EPHA3: variants seen among roughly 807,000 people sequenced by gnomAD.
The protein encoded by EPHA3 is EPH receptor A3.
Under a neutral mutation model 107.1 loss-of-function variants are expected in EPHA3, and 42 were observed. The ratio of observed to expected loss-of-function variants is 0.39; its 90% CI spans 0.31 to 0.51. The LOEUF (loss-of-function observed/expected upper bound fraction) is 0.51, where lower values mean the gene tolerates loss of function less well. EPHA3 is among the 20% of genes least tolerant of loss of function. The pLI is 0.78. For missense variants in EPHA3, 1,183 were observed against 1,211.2 expected, an observed-to-expected ratio of 0.98 and a Z score of 0.35; for synonymous variants, 461 against 424.8, an observed-to-expected ratio of 1.09 and a Z score of -1.05.
At chr3:89,132,016 T>G (rs1413519783) in intron 2 of EPHA3, among the ~76,000 whole-genome samples, 3 of 152,220 alleles carry the variant, frequency 2.0e-5, no homozygotes, top group Non-Finnish European at 4.4e-5. Context: ...ATGATAGTTA[T>G]TGTTGCAGGG....
chr3:89,437,435 A>C (rs1431994638), intron 13 of EPHA3, among the ~76,000 whole-genome samples: 2 of 152,006 alleles, frequency 1.3e-5, no homozygotes, highest in Non-Finnish European at 2.9e-5. Flanking sequence ...GAAAAAAAAA[A>C]CAGAAAAATT....
At chr3:89,164,547 T>C (rs1227500602) in intron 2 of EPHA3, among the ~76,000 whole-genome samples, 1 of 152,212 alleles carries the variant, frequency 6.6e-6, no homozygotes, top group East Asian at 1.9e-4. Context: ...TGGATCTGCT[T>C]CCACCCAGAC....
At chr3:89,454,467 C>T (rs1710058592) in intron 15 of EPHA3, among the ~76,000 whole-genome samples, 1 of 152,110 alleles carries the variant, frequency 6.6e-6, no homozygotes, top group African/African-American at 2.4e-5. Context: ...TATCTCTATC[C>T]CTTTTCACTG....
chr3:89,282,780 T>A (rs1705981120), intron 3 of EPHA3, among the ~76,000 whole-genome samples: 1 of 152,098 alleles, frequency 6.6e-6, no homozygotes, highest in African/African-American at 2.4e-5. Context: ...CTTTTCTTTA[T>A]GAGAAATAAA....
chr3:89,425,754 A>G (rs574474452), intron 11 of EPHA3, among the ~76,000 whole-genome samples: 1 of 151,434 alleles, frequency 6.6e-6, no homozygotes, highest in Non-Finnish European at 1.5e-5. Context: ...TATATTTCAC[A>G]TTATTCTACT....
At chr3:89,468,994 G>A (rs1710347200) in intron 15 of EPHA3, among the ~76,000 whole-genome samples, 1 of 151,970 alleles carries the variant, frequency 6.6e-6, no homozygotes, top group Non-Finnish European at 1.5e-5. Flanking sequence ...GATAACTTAT[G>A]AAATGTTATA....
At chr3:89,266,010 C>A (rs986846170) in intron 3 of EPHA3, among the ~76,000 whole-genome samples, 2 of 152,052 alleles carry the variant, frequency 1.3e-5, no homozygotes, top group Non-Finnish European at 2.9e-5. Context: ...TCCAGTCTGG[C>A]GGACACTACC....
At chr3:89,282,723 A>G (rs1705978991) in intron 3 of EPHA3, among the ~76,000 whole-genome samples, 1 of 152,122 alleles carries the variant, frequency 6.6e-6, no homozygotes, top group Admixed American at 6.5e-5. Context: ...AATGTGAAAA[A>G]TGAACTGGGT....
At chr3:89,448,008 C>T (rs765938832) in intron 13 of EPHA3, among the ~76,000 whole-genome samples, 2 of 152,112 alleles carry the variant, frequency 1.3e-5, no homozygotes, top group Non-Finnish European at 2.9e-5. Context: ...AATATCCATC[C>T]CTTTTTTCTT....
chr3:89,467,908 G>A (rs1487200058), intron 15 of EPHA3, among the ~76,000 whole-genome samples: 1 of 152,196 alleles, frequency 6.6e-6, no homozygotes, highest in Non-Finnish European at 1.5e-5. Context: ...GTTTACAGCT[G>A]CATGGATTGA....
intron 2 of EPHA3, among the ~76,000 whole-genome samples, chr3:89,156,249 T>C (rs1704804096): frequency 6.6e-6 from 1 of 152,074 alleles, no homozygotes; most frequent in African/African-American, 2.4e-5. Flanking sequence ...AGTTTTGTTT[T>C]TGTGTGAAAG....
At position 89,431,314 on chromosome 3, in the gene EPHA3, T is replaced by G; in HGVS notation, c.2301T>G (p.Leu767=). 6.2e-7 allele frequency: 1 copy of G among 1,613,780 alleles called. No homozygotes were observed. Among genetic ancestry groups the G allele is most frequent in the Non-Finnish European group, 8.5e-7 (1 of 1,179,914 alleles). Residue 767 remains leucine, a synonymous_variant, in exon 13 of 17, where the codon CTT becomes CTG. Transcript: ENST00000336596. ...NLVCKVSDFG[L]SRVLEDDPEA... Reference sequence around the variant, plus strand: ...TGTGTAAGGTTTCTGATTTCGGACTTTCGCGTGTCCTGGAGGATGACCCAG... The same window carrying G: ...TGTGTAAGGTTTCTGATTTCGGACTGTCGCGTGTCCTGGAGGATGACCCAG...
chr3:89,417,858 T>C (rs1709279334), intron 10 of EPHA3, among the ~76,000 whole-genome samples: 1 of 151,480 alleles, frequency 6.6e-6, no homozygotes, highest in East Asian at 1.9e-4. Context: ...TATCTGCTTT[T>C]GGATTTTAAG....
intron 3 of EPHA3, among the ~76,000 whole-genome samples, chr3:89,271,944 T>C (rs758252557): frequency 3.3e-5 from 5 of 151,968 alleles, no homozygotes; most frequent in Admixed American, 6.6e-5. Flanking sequence ...TTAATGTGAA[T>C]ACAATGAGGA....
intron 13 of EPHA3, among the ~76,000 whole-genome samples, chr3:89,437,615 T>C (rs1709699343): frequency 6.6e-6 from 1 of 152,190 alleles, no homozygotes; most frequent in African/African-American, 2.4e-5. Context: ...TATGAAATTT[T>C]ATCTTTAACT....
chr3:89,118,898 T>C (rs1469912255), intron 1 of EPHA3, among the ~76,000 whole-genome samples: 5 of 152,064 alleles, frequency 3.3e-5, no homozygotes, highest in Admixed American at 2.6e-4. Context: ...TATGAAAATA[T>C]GATATGAATC....
At chr3:89,136,346 T>TTTTTTTTTG (rs1704313735) in intron 2 of EPHA3, among the ~76,000 whole-genome samples, 1 of 137,548 alleles carries the variant, frequency 7.3e-6, no homozygotes, top group Non-Finnish European at 1.6e-5. Flanking sequence ...TTTTTTTTTT[T>TTTTTTTTTG]TTTTTTTTGA....
chr3:89,356,962 G>C (rs569391085), intron 5 of EPHA3, among the ~76,000 whole-genome samples: 2 of 149,624 alleles, frequency 1.3e-5, no homozygotes, highest in South Asian at 2.1e-4. Context: ...AATTAGCTGG[G>C]TGTGGTCGTT....
At chr3:89,179,054 T>C (rs1705380718) in intron 2 of EPHA3, among the ~76,000 whole-genome samples, 1 of 151,980 alleles carries the variant, frequency 6.6e-6, no homozygotes, top group East Asian at 1.9e-4. Flanking sequence ...AAAATTTTCA[T>C]TTTTCTTTTT....
Sources: allele counts gnomAD v4.1 joint callset (sites outside exome capture counted in the v4.1 genomes callset), GRCh38; gene constraint gnomAD v4.1.1; transcripts MANE v1.5; gene names NCBI Gene and HGNC (gene_info 2026-07-23, HGNC 2026-07-21).